The following FAM24B variants were observed in gnomAD, a reference collection of about 807,000 sequenced individuals.
FAM24B encodes protein FAM24B.
FAM24B carries 3 observed loss-of-function variants against 2.3 expected under a neutral mutation model. The ratio of observed to expected loss-of-function variants is 1.29; its 90% CI spans 0.59 to 3.32. The LOEUF (loss-of-function observed/expected upper bound fraction) is 3.32. Ranked by LOEUF, FAM24B falls within the 30% of genes most tolerant of loss-of-function variation. FAM24B has a pLI of 0.03. For synonymous variants in FAM24B, 36 were observed against 46.3 expected (o/e 0.78, Z 0.90); for missense variants, 98 against 117.2 (o/e 0.84, Z 0.76).
intron 1 of FAM24B, among the ~76,000 whole-genome samples, chr10:122,857,407 C>T (rs1847658962): frequency 6.6e-6 from 1 of 152,158 alleles, no homozygotes; most frequent in South Asian, 2.1e-4. Flanking sequence ...CATTTTGGTC[C>T]AAAACATGAA....
At chr10:122,870,033 C>T (rs930994292) in intron 1 of FAM24B, among the ~76,000 whole-genome samples, 10 of 152,032 alleles carry the variant, frequency 6.6e-5, no homozygotes, top group East Asian at 3.9e-4. Context: ...ATTGATAGAC[C>T]GCTAGTAAGA....
chr10:122,868,087 A>C (rs1056403284), intron 1 of FAM24B, among the ~76,000 whole-genome samples: 2 of 152,220 alleles, frequency 1.3e-5, no homozygotes, highest in Admixed American at 1.3e-4. Flanking sequence ...CAATGCAGAG[A>C]AGTCCTTAAA....
intron 1 of FAM24B, among the ~76,000 whole-genome samples, chr10:122,866,964 C>T (rs1847812996): frequency 6.6e-6 from 1 of 152,170 alleles, no homozygotes; most frequent in Admixed American, 6.5e-5. Context: ...AACTAGGCCT[C>T]TTGCATGAAA....
intron 1 of FAM24B, among the ~76,000 whole-genome samples, chr10:122,861,536 T>C (rs539944716): frequency 2.4e-4 from 36 of 152,326 alleles, no homozygotes; most frequent in Non-Finnish European, 3.4e-4. Flanking sequence ...TTGGGGAGAA[T>C]TGACATCTTC....
intron 1 of FAM24B, among the ~76,000 whole-genome samples, chr10:122,872,446 A>C (rs1847912558): frequency 6.6e-6 from 1 of 152,260 alleles, no homozygotes; most frequent in Non-Finnish European, 1.5e-5. Context: ...GTATATGCCC[A>C]AAGGATTATA....
At position 122,849,387 on chromosome 10, in the gene FAM24B, C is replaced by T. The variant is rs776992681; in HGVS notation, c.145G>A (p.Val49Met). 6.0e-5 allele frequency: 97 copies of T among 1,613,162 alleles called. No homozygotes were observed. Among genetic ancestry groups the T allele is most frequent in the Non-Finnish European group, 8.1e-5 (95 of 1,179,652 alleles). The change falls in exon 4 of 4, where the codon GTG (valine) becomes ATG (methionine). Residue 49 changes from valine (V) to methionine (M), a missense_variant. Transcript: ENST00000368898. ...GCCTGGCTGTTCTTGGCCCACCACACCTTGTCTGGGTTGTGATTTTTTACA... is the reference window on the plus strand; with the variant it reads ...GCCTGGCTGTTCTTGGCCCACCACATCTTGTCTGGGTTGTGATTTTTTACA... ...VAVKNHNPDK[V>M]WWAKNSQAKT...
chr10:122,863,115 C>T (rs189224714), intron 1 of FAM24B, among the ~76,000 whole-genome samples: 1 of 152,322 alleles, frequency 6.6e-6, no homozygotes, highest in African/African-American at 2.4e-5. Flanking sequence ...TTGGTCTTAT[C>T]ACCAGGACAT....
chr10:122,857,974 T>C (rs1328944345), intron 1 of FAM24B, among the ~76,000 whole-genome samples: 1 of 152,202 alleles, frequency 6.6e-6, no homozygotes, highest in East Asian at 1.9e-4. Context: ...GATTCACATG[T>C]GGTGACTACT....
At position 122,850,090 on chromosome 10, in the gene FAM24B, G is replaced by A. The variant is rs1012787541; in HGVS notation, c.92+334C>T. ...AGAATCTGCAGCCTACAGTGCCCAG[G>A]ACAGAGGGAGTCTTGGCCAAGGTGC... On this transcript the variant is annotated intron_variant, in intron 3 of 3. Coordinates refer to ENST00000368898, the MANE Select transcript of FAM24B (RefSeq NM_152644.3). 1.8e-4 allele frequency among the ~76,000 whole-genome samples: 28 copies of A among 152,252 alleles called. No individual in the cohort carries two copies. In the East Asian group the frequency reaches 5.4e-3, roughly 29 times the overall value.
Position 122,850,565 on chromosome 10 carries a change from G to T in FAM24B, c.-35-15C>A. Reference sequence around the variant, plus strand: ...CTTCGATGTACCTAGGCAGATAAGTGCAAGCAAGCACTGAGCCCACGTGGT... The same window carrying T: ...CTTCGATGTACCTAGGCAGATAAGTTCAAGCAAGCACTGAGCCCACGTGGT... On this transcript the variant is annotated splice_polypyrimidine_tract_variant and intron_variant, in intron 2 of 3. Coordinates refer to ENST00000368898, the MANE Select transcript of FAM24B (RefSeq NM_152644.3). 7.3e-7 allele frequency: 1 copy of T among 1,373,438 alleles called. No individual in the cohort carries two copies. Among genetic ancestry groups the T allele is most frequent in the Non-Finnish European group, 1.0e-6 (1 of 959,936 alleles). 85.1% of individuals were successfully genotyped at this position (1,373,438 alleles called of 1,614,324 possible).
intron 2 of FAM24B, among the ~76,000 whole-genome samples, chr10:122,853,658 G>A (rs780431634): frequency 6.6e-6 from 1 of 152,184 alleles, no homozygotes; most frequent in Non-Finnish European, 1.5e-5. Context: ...GAAGGGTAGG[G>A]CAAGAGGATT....
intron 1 of FAM24B, 100 bp from the exon 2 acceptor site, chr10:122,855,886 A>G (rs1189950197): frequency 1.3e-5 from 2 of 152,254 alleles, no homozygotes; most frequent in Non-Finnish European, 2.9e-5. Flanking sequence ...CCTCAGACAG[A>G]GGGAGAGCTC....
chr10:122,856,647 T>C (rs1171383710), intron 1 of FAM24B, among the ~76,000 whole-genome samples: 1 of 152,176 alleles, frequency 6.6e-6, no homozygotes, highest in Non-Finnish European at 1.5e-5. Context: ...AGTCTAGCCA[T>C]GCTGGGGAGT....
intron 1 of FAM24B, among the ~76,000 whole-genome samples, chr10:122,869,685 C>T (rs1390937227): frequency 6.6e-6 from 1 of 152,150 alleles, no homozygotes; most frequent in African/African-American, 2.4e-5. Flanking sequence ...TGAATGACTA[C>T]TGGGTACATA....
At chr10:122,853,443 C>T (rs1589668468) in intron 2 of FAM24B, among the ~76,000 whole-genome samples, 2 of 152,158 alleles carry the variant, frequency 1.3e-5, no homozygotes, top group African/African-American at 4.8e-5. Context: ...CCCTGTCCCT[C>T]GCCTCCTCTA....
intron 1 of FAM24B, among the ~76,000 whole-genome samples, chr10:122,869,408 T>A (rs1847855010): frequency 6.6e-6 from 1 of 152,172 alleles, no homozygotes; most frequent in Admixed American, 6.5e-5. Context: ...ATCCAGGAAT[T>A]GAACTCAACT....
intron 2 of FAM24B, among the ~76,000 whole-genome samples, chr10:122,851,669 C>T (rs1371492470): frequency 6.6e-6 from 1 of 152,082 alleles, no homozygotes; most frequent in African/African-American, 2.4e-5. Flanking sequence ...CCCAGAGATG[C>T]TATGTTATAT....
intron 1 of FAM24B, among the ~76,000 whole-genome samples, chr10:122,863,171 C>A (rs1057458642): frequency 6.6e-6 from 1 of 152,210 alleles, no homozygotes; most frequent in African/African-American, 2.4e-5. Flanking sequence ...AAGAATTCAG[C>A]TGCTCCTACC....
chr10:122,875,735 G>C (rs1037120576), intron 1 of FAM24B, among the ~76,000 whole-genome samples: 6 of 135,722 alleles, frequency 4.4e-5, no homozygotes, highest in South Asian at 2.4e-4. Context: ...ACTAGGGAAA[G>C]GCAGTCTCCT....
Sources: gnomAD v4.1 joint callset for allele counts (sites outside exome capture counted in the v4.1 genomes callset) on GRCh38, gnomAD v4.1.1 for gene constraint, MANE v1.5 for transcripts, NCBI Gene and HGNC (gene_info 2026-07-23, HGNC 2026-07-21) for gene names.